Variants in CILK1 observed in about 807,000 individuals in gnomAD.
CILK1 encodes the protein ciliogenesis associated kinase 1, also known as serine/threonine-protein kinase ICK.
In CILK1, 47 loss-of-function variants were observed where a neutral mutation model predicts 79.2. The ratio of observed to expected loss-of-function variants is 0.59; its 90% CI spans 0.47 to 0.76. CILK1 has a LOEUF of 0.76. Among genes scored for constraint, CILK1 ranks in the 30% least tolerant of loss-of-function variants. The probability of loss-of-function intolerance (pLI) is 0.00; values close to 1 mark genes in which losing one functional copy is unlikely to be tolerated. For missense variants in CILK1, 660 were observed against 769.5 expected, an observed-to-expected ratio of 0.86 and a Z score of 1.68; for synonymous variants, 266 against 275.9, an observed-to-expected ratio of 0.96 and a Z score of 0.36.
Position 53,016,232 on chromosome 6 carries a change from A to G in CILK1, c.682T>C (p.Tyr228His). The change falls in exon 8 of 14, where the codon TAT (tyrosine) becomes CAT (histidine). Residue 228 changes from tyrosine to histidine, a missense_variant. Physicochemically the swap from Tyr to His is moderately conservative, Grantham distance 83. Transcript: ENST00000676107. ...AAGTTCATTGCACTTGAAAGTTGATAGCCTTCAGGCCAGTCAGTCTGAAAG... is the reference window on the plus strand; with the variant it reads ...AAGTTCATTGCACTTGAAAGTTGATGGCCTTCAGGCCAGTCAGTCTGAAAG... ...TPKKTDWPEG[Y>H]QLSSAMNFRW... 6.2e-7 allele frequency: 1 copy of G among 1,614,090 alleles called. No homozygotes were observed.
intron 1 of CILK1, among the ~76,000 whole-genome samples, chr6:53,042,567 G>A (rs552871054): frequency 2.6e-5 from 4 of 152,338 alleles, no homozygotes; most frequent in African/African-American, 7.2e-5. Context: ...CAAGGCCTAT[G>A]TGCAGGGTAT....
intron 1 of CILK1, chr6:53,054,493 T>C (rs1375912955): frequency 6.6e-6 from 1 of 152,254 alleles, no homozygotes; most frequent in East Asian, 1.9e-4. Context: ...TATTTTGTCA[T>C]ACACAAAACA....
At chr6:53,054,477 T>C (rs185340514) in intron 1 of CILK1, 9 of 152,378 alleles carry the variant, frequency 5.9e-5, no homozygotes, top group African/African-American at 1.7e-4. Context: ...AAATTCTCAG[T>C]GCTTCTATTT....
At chr6:53,026,250 T>C (rs1391300898) in intron 5 of CILK1, among the ~76,000 whole-genome samples, 1 of 152,168 alleles carries the variant, frequency 6.6e-6, no homozygotes, top group Non-Finnish European at 1.5e-5. Flanking sequence ...CTGCAACCTT[T>C]GCCTCCTGGG....
At chr6:53,049,506 G>C (rs1455498758) in intron 1 of CILK1, among the ~76,000 whole-genome samples, 1 of 152,210 alleles carries the variant, frequency 6.6e-6, no homozygotes, top group Admixed American at 6.5e-5. Context: ...TATCACTCCA[G>C]GTTGCTTGGA....
chr6:53,004,477 T>A lies in CILK1; in HGVS notation c.*672A>T, dbSNP rs932172024. The A allele has an allele frequency of 6.6e-6, 1 of 152,248 alleles. No homozygotes were observed. Among genetic ancestry groups the A allele is most frequent in the Non-Finnish European group, 1.5e-5 (1 of 68,046 alleles). The allele number at this position is 152,248 out of a possible 1,614,324, so 9.4% of individuals were successfully genotyped here. A position where few individuals can be genotyped will look rare whatever the true frequency, so the allele number is the denominator to read the frequency against. ...CATTAAAGGGTGTCAGAAAAATTTT[T>A]TAAAATGTATTTACTTAGAGTTCTT... On this transcript the variant is annotated 3_prime_UTR_variant, in exon 14 of 14. Transcript: ENST00000676107.
intron 9 of CILK1, 107 bp from the exon 10 acceptor site, chr6:53,012,334 G>C: frequency 1.0e-6 from 1 of 982,708 alleles, no homozygotes; most frequent in Non-Finnish European, 1.6e-6. Flanking sequence ...AGGCTCCTGG[G>C]GCATAACATT....
At chr6:53,008,550 G>A (rs1284116638) in intron 12 of CILK1, among the ~76,000 whole-genome samples, 3 of 151,620 alleles carry the variant, frequency 2.0e-5, no homozygotes, top group Admixed American at 6.6e-5. Context: ...TCAGCCTCCT[G>A]AGTAGCTGGG....
At position 53,003,114 on chromosome 6, in the gene CILK1, A is replaced by G. The variant is rs1472291358; in HGVS notation, c.*2035T>C. ...AACGAGTTGAGAATATAATACAGAA[A>G]TGAATTCAGCTTCAAGTTGTGCTTG... On this transcript the variant is annotated 3_prime_UTR_variant, in exon 14 of 14. Transcript: ENST00000676107. 3.9e-5 allele frequency: 6 copies of G among 152,662 alleles called. No individual in the cohort carries two copies. Among genetic ancestry groups the G allele is most frequent in the Non-Finnish European group, 5.9e-5 (4 of 68,046 alleles). 9.5% of individuals were successfully genotyped at this position (152,662 alleles called of 1,614,324 possible).
At chr6:53,011,679 G>A in intron 11 of CILK1, 90 bp downstream of exon 11, 1 of 1,241,778 alleles carries the variant, frequency 8.1e-7, no homozygotes, top group African/African-American at 1.5e-5. Flanking sequence ...CCTAGTATCT[G>A]CCTTCTAAAA....
Position 53,031,112 on chromosome 6 carries a change from T to C in CILK1, c.311A>G (p.Asn104Ser), listed in dbSNP as rs1765933349. ...NKLFPESAIR[N>S]IMYQILQGLA... ...TCCTTGTAATATCTGATACATGATA[T>C]TCCTTATAGCAGACTCAGGAAACAA... The change falls in exon 5 of 14, where the codon AAT (asparagine) becomes AGT (serine). Residue 104 changes from asparagine (N) to serine (S), a missense_variant. Transcript: ENST00000676107. 1.2e-6 allele frequency: 2 copies of C among 1,610,634 alleles called. No individual in the cohort carries two copies. The highest frequency in any genetic ancestry group is 1.7e-6 in the Non-Finnish European group (2 of 1,177,060).
intron 13 of CILK1, 82 bp downstream of exon 13, chr6:53,006,233 G>C: frequency 7.5e-7 from 1 of 1,336,486 alleles, no homozygotes; most frequent in Non-Finnish European, 1.1e-6. Context: ...TGGATCCCAG[G>C]CCTAAAACAT....
intron 1 of CILK1, among the ~76,000 whole-genome samples, chr6:53,050,629 C>G (rs552504884): frequency 4.6e-5 from 7 of 152,034 alleles, no homozygotes; most frequent in Admixed American, 1.3e-4. Context: ...AGTTCAAGAC[C>G]AGCCTGGGCA....
At chr6:53,031,796 T>G (rs961300599) in intron 4 of CILK1, among the ~76,000 whole-genome samples, 4 of 152,196 alleles carry the variant, frequency 2.6e-5, no homozygotes, top group Non-Finnish European at 5.9e-5. Context: ...AATGGAAAAC[T>G]GCAATGTCTA....
chr6:53,029,732 A>G (rs769283354), intron 5 of CILK1, among the ~76,000 whole-genome samples: 9 of 152,232 alleles, frequency 5.9e-5, no homozygotes, highest in Non-Finnish European at 1.2e-4. Context: ...TCTTAAAAAA[A>G]GTTTAAAAAT....
intron 12 of CILK1, among the ~76,000 whole-genome samples, chr6:53,008,878 G>A (rs888566027): frequency 6.6e-6 from 1 of 152,202 alleles, no homozygotes; most frequent in African/African-American, 2.4e-5. Context: ...ACATGGCAGG[G>A]GCTGCCTGCA....
chr6:53,060,436 A>C (rs1768346181), intron 1 of CILK1, among the ~76,000 whole-genome samples: 1 of 152,156 alleles, frequency 6.6e-6, no homozygotes, highest in Non-Finnish European at 1.5e-5. Flanking sequence ...TTGACTTTGG[A>C]GAAGGGGATA....
chr6:53,018,775 A>C (rs1294606035), intron 6 of CILK1, among the ~76,000 whole-genome samples: 1 of 152,216 alleles, frequency 6.6e-6, no homozygotes, highest in Non-Finnish European at 1.5e-5. Context: ...ATTAGGAAAA[A>C]AGAGAGAAAA....
Position 53,012,116 on chromosome 6 carries a change from C to T in CILK1, c.1264G>A (p.Asp422Asn), listed in dbSNP as rs926397370. The change falls in exon 10 of 14, where the codon GAT becomes AAT. Residue 422 changes from aspartate (D) to asparagine (N), a missense_variant. Coordinates refer to ENST00000676107, the MANE Select transcript of CILK1 (RefSeq NM_014920.5). ...TKDSDDWADL[D>N]DLDFSPSLSR... ...AGGGATGGACTGAAATCCAAGTCAT[C>T]CAAGTCAGCCCAATCATCTGAATCC... 9.9e-6 allele frequency: 16 copies of T among 1,614,186 alleles called. No individual in the cohort carries two copies. In the East Asian group the frequency reaches 3.3e-4, roughly 34 times the overall value.
Sources: gnomAD v4.1 joint callset for allele counts (sites outside exome capture counted in the v4.1 genomes callset) on GRCh38, gnomAD v4.1.1 for gene constraint, MANE v1.5 for transcripts, NCBI Gene and HGNC (gene_info 2026-07-23, HGNC 2026-07-21) for gene names.